Variants in HIPK1 observed in about 807,000 individuals in gnomAD.
The protein encoded by HIPK1 is homeodomain interacting protein kinase 1.
Under a neutral mutation model 117.1 loss-of-function variants are expected in HIPK1, and 28 were observed. The ratio of observed to expected loss-of-function variants is 0.24; its 90% CI spans 0.18 to 0.33. The LOEUF (loss-of-function observed/expected upper bound fraction) is 0.33. HIPK1 is among the 10% of genes least tolerant of loss of function. HIPK1 has a pLI of 1.00. For synonymous variants in HIPK1, 605 were observed against 562.5 expected (o/e 1.08, Z -1.07); for missense variants, 1,122 against 1,475.1 (o/e 0.76, Z 3.92).
At chr1:113,942,143 C>T (rs955765135) in intron 2 of HIPK1, among the ~76,000 whole-genome samples, 2 of 151,838 alleles carry the variant, frequency 1.3e-5, no homozygotes. Context: ...ACGGCAGCCT[C>T]CACCTCCTGG....
At position 113,973,570 on chromosome 1, in the gene HIPK1, ATATTGGGC is replaced by A; in HGVS notation, c.*62_*69del. ...ACCTTCTCCTGGCCCTGCGTTCTTA[ATATTGGGC>A]TATGGAGAGATCCTCCTTTACCCTC... is the stretch of plus-strand genomic sequence containing the variant. On this transcript the variant is annotated 3_prime_UTR_variant, in exon 16 of 16. Transcript: ENST00000426820. 6.6e-7 allele frequency: 1 copy of A among 1,524,754 alleles called. No individual in the cohort carries two copies. The highest frequency in any genetic ancestry group is 1.3e-5 in the South Asian group (1 of 77,030). The allele number at this position is 1,524,754 out of a possible 1,614,324, so 94.5% of individuals were successfully genotyped here.
At chr1:113,944,159 GTTTTTTTTTTTT>G (rs140161727) in intron 2 of HIPK1, among the ~76,000 whole-genome samples, 119 of 55,240 alleles carry the variant, frequency 2.2e-3, no homozygotes, top group Middle Eastern at 0.019. Context: ...ATAGCCATGG[GTTTTTTTTTTTT>G]TTTTTTTTTT....
In HIPK1 at chr1:113,966,217, C is replaced by T. The variant is rs780735126; in HGVS notation, c.2326C>T (p.Pro776Ser). 12 of 1,614,056 alleles carry T rather than the reference C, an allele frequency of 7.4e-6. No individual in the cohort carries two copies. Among genetic ancestry groups the T allele is most frequent in the Non-Finnish European group, 1.0e-5 (12 of 1,179,970 alleles). Reference sequence around the variant, plus strand: ...GGTAGCTCTACACAACTCTGTCCAGCCCACAGCAATGATTCCAGAGGCCAT... The same window carrying T: ...GGTAGCTCTACACAACTCTGTCCAGTCCACAGCAATGATTCCAGAGGCCAT... ...PGVALHNSVQ[P>S]TAMIPEAMGS... is the part of the protein sequence containing the mutation. Residue 776 changes from proline to serine, a missense_variant, in exon 11 of 16, where the codon CCC becomes TCC. Around this residue, in one of 6 missense-constraint regions of HIPK1, gnomAD observed 731 missense variants for 860.4 expected, o/e 0.85. Coordinates refer to ENST00000426820, the MANE Select transcript of HIPK1 (RefSeq NM_198268.3).
In HIPK1 at chr1:113,938,308, C is replaced by T. The variant is rs79512745; in HGVS notation, c.-2-2074C>T. 5.2e-3 allele frequency among the ~76,000 whole-genome samples: 788 copies of T among 150,526 alleles called. 6 individuals carry two copies. The highest frequency in any genetic ancestry group is 0.018 in the African/African-American group (722 of 40,954). ...CTTTTCTTTTTTTTTTTTGTTAATGCTTCCCAGGCTGATCTTGAACTCCTG... is the reference window on the plus strand; with the variant it reads ...CTTTTCTTTTTTTTTTTTGTTAATGTTTCCCAGGCTGATCTTGAACTCCTG... On this transcript the variant is annotated intron_variant, in intron 1 of 15. Coordinates refer to ENST00000426820, the MANE Select transcript of HIPK1 (RefSeq NM_198268.3).
At chr1:113,957,928 C>A in intron 7 of HIPK1, 138 bp from the exon 8 acceptor site, 1 of 663,398 alleles carries the variant, frequency 1.5e-6, no homozygotes, top group Non-Finnish European at 2.5e-6. Context: ...GTTTCTTAAG[C>A]AGAGAGTTAT....
intron 1 of HIPK1, chr1:113,929,995 C>T (rs1015454317): frequency 4.0e-5 from 39 of 984,902 alleles, no homozygotes; most frequent in Non-Finnish European, 4.5e-5. Context: ...CCCTCAGCTC[C>T]CTGAGGCGGG....
At chr1:113,929,806 G>A in intron 1 of HIPK1, 2 of 983,942 alleles carry the variant, frequency 2.0e-6, no homozygotes, top group South Asian at 4.5e-5. Context: ...GACGGCTCCG[G>A]GGGGCGGGGG....
At chr1:113,963,242 G>C in intron 9 of HIPK1, 145 bp from the exon 10 acceptor site, 2 of 896,888 alleles carry the variant, frequency 2.2e-6, no homozygotes, top group Non-Finnish European at 3.4e-6. Context: ...GTTGAAGGGG[G>C]AAAGTTGTGT....
intron 1 of HIPK1, among the ~76,000 whole-genome samples, chr1:113,934,320 G>C (rs1670109725): frequency 6.6e-6 from 1 of 152,062 alleles, no homozygotes; most frequent in South Asian, 2.1e-4. Flanking sequence ...TTCCATTCAG[G>C]GTTATAATAT....
chr1:113,957,100 A>G, intron 6 of HIPK1, 24 bp from the exon 7 acceptor site: 1 of 1,588,974 alleles, frequency 6.3e-7, no homozygotes, highest in Non-Finnish European at 8.6e-7. Flanking sequence ...CATTCATTTA[A>G]TGAATCTTTA....
At position 113,967,936 on chromosome 1, in the gene HIPK1, C is replaced by G; in HGVS notation, c.2552C>G (p.Pro851Arg). The G allele has an allele frequency of 1.2e-6, 2 of 1,605,940 alleles. No individual in the cohort carries two copies. Among genetic ancestry groups the G allele is most frequent in the Non-Finnish European group, 1.7e-6 (2 of 1,178,254 alleles). Reference sequence around the variant, plus strand: ...TCGAAGAAGAATAAGCAGTCAGCTCCAGTCTCTTCCAAGTGAGTCTGTGTT... The same window carrying G: ...TCGAAGAAGAATAAGCAGTCAGCTCGAGTCTCTTCCAAGTGAGTCTGTGTT... ...LPSKKNKQSAPVSSKSSLDVL... is the reference protein window; with the variant it reads ...LPSKKNKQSARVSSKSSLDVL... The change falls in exon 12 of 16, where the codon CCA becomes CGA. Residue 851 changes from proline to arginine, a missense_variant. Physicochemically the swap from Pro to Arg is moderately radical, Grantham distance 103. Coordinates refer to ENST00000426820, the MANE Select transcript of HIPK1 (RefSeq NM_198268.3).
rs771037879 is a variant in HIPK1, at chr1:113,952,901, T to G, written c.1200+12T>G. ...CAGAATATGATCAGGTAAAAGTGTTTATTTGAATGGAAATAGAATGCAAAT... is the reference window on the plus strand; with the variant it reads ...CAGAATATGATCAGGTAAAAGTGTTGATTTGAATGGAAATAGAATGCAAAT... On this transcript the variant is annotated intron_variant, in intron 3 of 15. Coordinates refer to ENST00000426820, the MANE Select transcript of HIPK1 (RefSeq NM_198268.3). 2 of 1,476,646 alleles carry G rather than the reference T, an allele frequency of 1.4e-6. No homozygotes were observed. The highest frequency in any genetic ancestry group is 2.9e-5 in the African/African-American group (2 of 69,086). The allele number at this position is 1,476,646 out of a possible 1,614,324, so 91.5% of individuals were successfully genotyped here. A position where few individuals can be genotyped will look rare whatever the true frequency, so the allele number is the denominator to read the frequency against.
In HIPK1 at chr1:113,975,239, T is replaced by G. The variant is rs1425875519; in HGVS notation, c.*1727T>G. On this transcript the variant is annotated 3_prime_UTR_variant, in exon 16 of 16. Transcript: ENST00000426820. ...ACCCTAAGTTGTTCACCGGGATTTA[T>G]CAGAACAGGATTAGTAGCTGTATTG... The G allele has an allele frequency of 6.5e-6, 1 of 152,826 alleles. No individual in the cohort carries two copies. The highest frequency in any genetic ancestry group is 1.5e-5 in the Non-Finnish European group (1 of 68,054). 9.5% of individuals were successfully genotyped at this position (152,826 alleles called of 1,614,324 possible).
intron 2 of HIPK1, among the ~76,000 whole-genome samples, chr1:113,949,223 C>A (rs377286602): frequency 6.6e-6 from 1 of 152,180 alleles, no homozygotes; most frequent in East Asian, 1.9e-4. Flanking sequence ...AAATGTCTTT[C>A]TAGTATGGTA....
Position 113,942,000 on chromosome 1 carries a change from A to G in HIPK1, c.1076+541A>G, listed in dbSNP as rs1279961373. 6.6e-6 allele frequency among the ~76,000 whole-genome samples: 1 copy of G among 151,362 alleles called. No individual in the cohort carries two copies. On this transcript the variant is annotated intron_variant, in intron 2 of 15. Coordinates refer to ENST00000426820, the MANE Select transcript of HIPK1 (RefSeq NM_198268.3). This position sits in a 1 kb window ranked among gnomAD's most constrained non-coding sequence, Gnocchi z 4.9. ...ATGGTCTCGATATCCTGACCTCGTG[A>G]TCCACCCGTCTCGGCCTCCCAAAGC...
intron 12 of HIPK1, 45 bp downstream of exon 12, chr1:113,967,993 G>A: frequency 6.6e-7 from 1 of 1,526,298 alleles, no homozygotes; most frequent in African/African-American, 1.4e-5. Context: ...GCCAGTTTGA[G>A]AGATATGTTG....
intron 12 of HIPK1, 147 bp downstream of exon 12, chr1:113,968,095 G>A: frequency 1.5e-6 from 1 of 686,756 alleles, no homozygotes; most frequent in South Asian, 1.9e-5. Context: ...TTTCATCTGG[G>A]CATGTACACC....
In HIPK1 at chr1:113,929,421, G is replaced by T. The variant is rs1409728654; in HGVS notation, c.-114G>T. ...GGCGGGAAGTCCAGGCCCCGCACTC[G>T]ATCCACGCTGGCTCCCTACGGAGGC... On this transcript the variant is annotated 5_prime_UTR_variant, in exon 1 of 16. Transcript: ENST00000426820. The T allele has an allele frequency of 1.6e-6, 2 of 1,289,184 alleles. No homozygotes were observed. Among genetic ancestry groups the T allele is most frequent in the African/African-American group, 1.5e-5 (1 of 65,818 alleles). The allele number at this position is 1,289,184 out of a possible 1,614,324, so 79.9% of individuals were successfully genotyped here.
chr1:113,961,878 G>A (rs1007877219), intron 8 of HIPK1, among the ~76,000 whole-genome samples: 2 of 134,672 alleles, frequency 1.5e-5, no homozygotes, highest in African/African-American at 5.6e-5. Context: ...TGGGAGCAGA[G>A]TTTGCAGTGA....
Sources: gnomAD v4.1 joint callset for allele counts (sites outside exome capture counted in the v4.1 genomes callset) on GRCh38, gnomAD v4.1.1 for gene constraint, gnomAD v4.1.1 regional missense constraint, Gnocchi (gnomAD v3.1) non-coding constraint, MANE v1.5 for transcripts, NCBI Gene and HGNC (gene_info 2026-07-23, HGNC 2026-07-21) for gene names.